Variants in KAZN observed in about 807,000 individuals in gnomAD.
KAZN encodes the protein kazrin.
Under a neutral mutation model 87.4 loss-of-function variants are expected in KAZN, and 40 were observed. The observed-to-expected ratio is 0.46, with a 90% CI of 0.36 to 0.60. The LOEUF is 0.60. Among genes scored for constraint, KAZN ranks in the 20% least tolerant of loss-of-function variants. The pLI, the probability that KAZN is intolerant of heterozygous loss-of-function variation, is 0.00. For synonymous variants in KAZN, 466 were observed against 458.3 expected (o/e 1.02, Z -0.22); for missense variants, 898 against 1,073.9 (o/e 0.84, Z 2.29).
intron 1 of KAZN, among the ~76,000 whole-genome samples, chr1:13,925,561 A>G (rs1640240250): frequency 6.6e-6 from 1 of 152,202 alleles, no homozygotes; most frequent in South Asian, 2.1e-4. Context: ...CCCGGTAGGC[A>G]ATGAATGAGG....
At position 14,981,568 on chromosome 1, in the gene KAZN, C is replaced by T. The variant is rs895587695; in HGVS notation, c.418+20693C>T. On this transcript the variant is annotated intron_variant, in intron 2 of 14. Coordinates refer to ENST00000376030, the MANE Select transcript of KAZN (RefSeq NM_201628.3). The stretch of plus-strand genomic sequence containing the variant: ...AACCCCATCTCTGGGGGGTTATAGC[C>T]CTGTGGCAGGTTTGCTGCGGAAGCA... Among the ~76,000 whole-genome samples, 3 of 152,194 alleles carry T rather than the reference C, an allele frequency of 2.0e-5. No individual in the cohort carries two copies. In the East Asian group the frequency reaches 5.8e-4, roughly 29 times the overall value.
rs74406941 is a variant in KAZN, at chr1:13,904,968, C to G, written c.91+11212C>G. ...CTCTCTGTTGCATTCTGGATAATGA[C>G]TTTAAAAACTATCTTCTGGTTCATT... is the stretch of plus-strand genomic sequence containing the variant. On this transcript the variant is annotated intron_variant, in intron 1 of 16. Coordinates refer to the KAZN transcript ENST00000636203. Among the ~76,000 whole-genome samples, 435 of 152,246 alleles carry G rather than the reference C, an allele frequency of 2.9e-3. 2 individuals are homozygous for G. The highest frequency in any genetic ancestry group is 0.01 in the African/African-American group (418 of 41,548).
intron 1 of KAZN, among the ~76,000 whole-genome samples, chr1:14,050,822 A>G (rs1322090705): frequency 6.6e-6 from 1 of 151,900 alleles, no homozygotes; most frequent in African/African-American, 2.4e-5. Flanking sequence ...CTTCCCTCTA[A>G]CCTCATGAGC....
At chr1:14,538,751 AT>A (rs1211777767) in intron 2 of KAZN, among the ~76,000 whole-genome samples, 2 of 152,190 alleles carry the variant, frequency 1.3e-5, no homozygotes, top group Non-Finnish European at 1.5e-5. Flanking sequence ...AAAAGTTCTC[AT>A]TTTTTTCAAA....
chr1:14,554,531 A>G (rs375610147), intron 2 of KAZN, among the ~76,000 whole-genome samples: 1 of 152,290 alleles, frequency 6.6e-6, no homozygotes, highest in East Asian at 1.9e-4. Context: ...CTGACCCTAC[A>G]TACGCGTCCC....
intron 2 of KAZN, among the ~76,000 whole-genome samples, chr1:14,468,615 G>A (rs984723749): frequency 1.3e-4 from 20 of 152,168 alleles, no homozygotes; most frequent in African/African-American, 3.9e-4. Flanking sequence ...AGGAAGAACC[G>A]GGAAGAACAC....
At chr1:14,386,108 C>G (rs1222168468) in intron 2 of KAZN, among the ~76,000 whole-genome samples, 2 of 148,172 alleles carry the variant, frequency 1.3e-5, no homozygotes, top group Non-Finnish European at 3.0e-5. Context: ...GGTTTAAAGT[C>G]TGTTTTATCA....
chr1:14,404,160 G>A (rs959675623), intron 2 of KAZN, among the ~76,000 whole-genome samples: 4 of 152,072 alleles, frequency 2.6e-5, no homozygotes, highest in Non-Finnish European at 2.9e-5. Context: ...TATGCAGATG[G>A]GTTATCTACC....
chr1:14,000,843 C>T (rs565486032), intron 1 of KAZN, among the ~76,000 whole-genome samples: 3 of 151,244 alleles, frequency 2.0e-5, no homozygotes, highest in South Asian at 2.1e-4. Flanking sequence ...AGTGCAGTGG[C>T]GGGATCTCGG....
intron 8 of KAZN, among the ~76,000 whole-genome samples, chr1:15,074,134 C>G (rs556552697): frequency 1.6e-4 from 24 of 152,370 alleles, no homozygotes; most frequent in African/African-American, 5.5e-4. Flanking sequence ...TAAAACAGAC[C>G]AGGACAGTGG....
At chr1:15,027,206 C>T (rs1364393400) in intron 2 of KAZN, among the ~76,000 whole-genome samples, 2 of 151,644 alleles carry the variant, frequency 1.3e-5, no homozygotes, top group African/African-American at 4.8e-5. Flanking sequence ...CTCAGCCTCC[C>T]CAGTAGCTGG....
chr1:13,948,600 A>T lies in KAZN; in HGVS notation c.91+54844A>T, dbSNP rs148022571. Among the ~76,000 whole-genome samples, 407 of 152,130 alleles carry T rather than the reference A, an allele frequency of 2.7e-3. 2 individuals carry two copies. Among genetic ancestry groups the T allele is most frequent in the African/African-American group, 8.8e-3 (366 of 41,524 alleles). On this transcript the variant is annotated intron_variant, in intron 1 of 16. Transcript: ENST00000636203. ...GGTGTGGGGAAAGGGGGCAGTGGAG[A>T]GGCTTCTGCAGGATGGAACCTTCCT...
intron 2 of KAZN, among the ~76,000 whole-genome samples, chr1:14,212,962 T>G (rs771986105): frequency 6.6e-6 from 1 of 152,210 alleles, no homozygotes; most frequent in Non-Finnish European, 1.5e-5. Flanking sequence ...TTTCTTTAAT[T>G]AATAAATCCC....
At chr1:14,608,901 G>A (rs908349957) in intron 1 of KAZN, among the ~76,000 whole-genome samples, 10 of 152,110 alleles carry the variant, frequency 6.6e-5, no homozygotes. Context: ...TTTGGCAAGT[G>A]CAACCTGGAA....
At chr1:13,903,252 A>G (rs542635070) in intron 1 of KAZN, among the ~76,000 whole-genome samples, 1 of 152,280 alleles carries the variant, frequency 6.6e-6, no homozygotes, top group East Asian at 1.9e-4. Context: ...CTTGGACCAC[A>G]TTTTTCTTTT....
At chr1:14,268,748 A>G (rs1481255048) in intron 2 of KAZN, among the ~76,000 whole-genome samples, 1 of 152,260 alleles carries the variant, frequency 6.6e-6, no homozygotes, top group East Asian at 1.9e-4. Flanking sequence ...CTCACAAATT[A>G]CAGGTCCCAA....
chr1:15,020,603 G>A (rs1039728631), intron 2 of KAZN, among the ~76,000 whole-genome samples: 1 of 152,100 alleles, frequency 6.6e-6, no homozygotes, highest in Non-Finnish European at 1.5e-5. Flanking sequence ...TGTGGCCATC[G>A]TTCATTCATT....
intron 2 of KAZN, among the ~76,000 whole-genome samples, chr1:14,260,662 G>A (rs1006045109): frequency 5.9e-5 from 9 of 152,088 alleles, no homozygotes; most frequent in African/African-American, 1.9e-4. Flanking sequence ...ACACGGGCCC[G>A]GCTGGCAGGC....
rs1646508985 is a variant in KAZN at position 14,195,517 on chromosome 1, A to ACACG, written c.249+14928_249+14929insGCAC. 1.0e-4 allele frequency among the ~76,000 whole-genome samples: 11 copies of ACACG among 104,940 alleles called. No homozygotes were observed. In the South Asian group the frequency reaches 2.8e-3, roughly 26 times the overall value. 68.8% of individuals were successfully genotyped at this position (104,940 alleles called of 152,430 possible). On this transcript the variant is annotated intron_variant, in intron 2 of 16. Coordinates refer to the KAZN transcript ENST00000636203. ...TTCCAATTACAAAAACGGCTCACAC[A>ACACG]CACACACACACACACACACACACAC...
Sources: allele counts gnomAD v4.1 joint callset (sites outside exome capture counted in the v4.1 genomes callset), GRCh38; gene constraint gnomAD v4.1.1; transcripts MANE v1.5; gene names NCBI Gene and HGNC (gene_info 2026-07-23, HGNC 2026-07-21).